WDR64: variants seen among roughly 807,000 people sequenced by gnomAD.
WDR64 encodes WD repeat-containing protein 64.
A neutral mutation model predicts 139.3 loss-of-function variants in WDR64; 112 were observed. The observed-to-expected ratio is 0.80, with a 90% CI of 0.69 to 0.94. The LOEUF is 0.94. Among genes scored for constraint, WDR64 ranks in the 40% least tolerant of loss-of-function variants. The pLI, the probability that WDR64 is intolerant of heterozygous loss-of-function variation, is 0.00. For synonymous variants in WDR64, 444 were observed against 437.7 expected (o/e 1.01, Z -0.18); for missense variants, 1,206 against 1,293.1 (o/e 0.93, Z 1.03).
intron 9 of WDR64, among the ~76,000 whole-genome samples, chr1:241,720,774 C>A (rs978547641): frequency 6.6e-6 from 1 of 152,132 alleles, no homozygotes; most frequent in African/African-American, 2.4e-5. Flanking sequence ...ATGATAGTTT[C>A]TTTTGCTGTG....
chr1:241,728,384 G>A lies in WDR64; in HGVS notation c.1194+4948G>A, dbSNP rs546448935. Among the ~76,000 whole-genome samples, 9 of 149,500 alleles carry A rather than the reference G, an allele frequency of 6.0e-5. No individual in the cohort carries two copies. In the South Asian group the frequency reaches 1.9e-3, roughly 32 times the overall value. On this transcript the variant is annotated intron_variant, in intron 10 of 27. Coordinates refer to ENST00000437684, the MANE Select transcript of WDR64 (RefSeq NM_001367482.1). ...CAAACTAGGCACATACATGTTTTTG[G>A]TTTTTTTATTGAAGCTATATTATTA... is the stretch of plus-strand genomic sequence containing the variant.
At chr1:241,750,798 T>A (rs567352915) in intron 14 of WDR64, among the ~76,000 whole-genome samples, 28 of 152,346 alleles carry the variant, frequency 1.8e-4, no homozygotes, top group African/African-American at 6.3e-4. Context: ...TATATTTGTA[T>A]TCTTGGCCAT....
chr1:241,801,028 G>T, intron 27 of WDR64, 104 bp from the exon 28 acceptor site: 3 of 824,628 alleles, frequency 3.6e-6, no homozygotes, highest in South Asian at 1.8e-5. Context: ...TTTTTTCTAG[G>T]AGGATTAAAA....
chr1:241,705,347 C>A (rs954631115), intron 8 of WDR64, among the ~76,000 whole-genome samples: 2 of 151,788 alleles, frequency 1.3e-5, no homozygotes, highest in East Asian at 3.9e-4. Context: ...CGAGACCATC[C>A]CGGCTAACAC....
chr1:241,762,125 G>A lies in WDR64; in HGVS notation c.1948-4093G>A, dbSNP rs543040245. 1.2e-4 allele frequency among the ~76,000 whole-genome samples: 19 copies of A among 152,258 alleles called. No homozygotes were observed. The South Asian group carries it at 3.9e-3, about 32-fold the overall frequency. The stretch of plus-strand genomic sequence containing the variant: ...ATCATAGGAACCACTATCTATGGCA[G>A]CTATAGCCTTACAAAATGTATTTCT... On this transcript the variant is annotated intron_variant, in intron 15 of 27. Transcript: ENST00000437684.
chr1:241,740,657 T>C (rs907986154), intron 11 of WDR64, among the ~76,000 whole-genome samples: 4 of 151,962 alleles, frequency 2.6e-5, no homozygotes, highest in South Asian at 2.1e-4. Context: ...GATTCTTTTT[T>C]TTTTTTTAAT....
chr1:241,799,785 CAATT>C (rs1402468068), intron 27 of WDR64, among the ~76,000 whole-genome samples: 2 of 152,186 alleles, frequency 1.3e-5, no homozygotes, highest in African/African-American at 4.8e-5. Context: ...TGAGAATTAA[CAATT>C]AATGAACACT....
At chr1:241,707,165 T>C (rs1197279695) in intron 8 of WDR64, among the ~76,000 whole-genome samples, 1 of 152,136 alleles carries the variant, frequency 6.6e-6, no homozygotes, top group Non-Finnish European at 1.5e-5. Flanking sequence ...TGATGGACAC[T>C]CTCACCTCTG....
chr1:241,788,071 G>T, intron 24 of WDR64, 37 bp downstream of exon 24: 1 of 1,515,508 alleles, frequency 6.6e-7, no homozygotes. Context: ...AAGCATACAA[G>T]AATCAAACTG....
intron 4 of WDR64, among the ~76,000 whole-genome samples, chr1:241,674,970 T>TG (rs1666430334): frequency 3.2e-5 from 1 of 30,960 alleles, no homozygotes; most frequent in African/African-American, 8.3e-5. Context: ...TCCCTTCTTT[T>TG]TCTTTCCTTC....
chr1:241,776,305 C>T (rs1432696160), intron 21 of WDR64, among the ~76,000 whole-genome samples: 1 of 152,104 alleles, frequency 6.6e-6, no homozygotes, highest in Non-Finnish European at 1.5e-5. Context: ...TCTTGAACTC[C>T]TGACCTCGTG....
intron 10 of WDR64, among the ~76,000 whole-genome samples, chr1:241,729,210 A>G (rs1367975784): frequency 2.6e-5 from 4 of 152,088 alleles, no homozygotes; most frequent in Non-Finnish European, 5.9e-5. Flanking sequence ...CCTGTAAATT[A>G]CCTCATTCTT....
At chr1:241,775,623 A>G (rs1658631194) in intron 21 of WDR64, among the ~76,000 whole-genome samples, 1 of 152,150 alleles carries the variant, frequency 6.6e-6, no homozygotes, top group Non-Finnish European at 1.5e-5. Context: ...TTTATTTTTT[A>G]TATTTATTAT....
At chr1:241,668,793 C>T (rs957985154) in intron 2 of WDR64, among the ~76,000 whole-genome samples, 3 of 151,878 alleles carry the variant, frequency 2.0e-5, no homozygotes, top group African/African-American at 2.4e-5. Flanking sequence ...CCTATGGTTC[C>T]AGCTACTCGG....
At chr1:241,653,736 G>T (rs1665463268) in intron 1 of WDR64, among the ~76,000 whole-genome samples, 1 of 151,716 alleles carries the variant, frequency 6.6e-6, no homozygotes. Flanking sequence ...GTAGAGACGG[G>T]GTTTCACCAT....
intron 23 of WDR64, among the ~76,000 whole-genome samples, chr1:241,787,556 T>G (rs1343091210): frequency 6.6e-6 from 1 of 150,632 alleles, no homozygotes; most frequent in Non-Finnish European, 1.5e-5. Flanking sequence ...TCTCAGCTAC[T>G]CGGGAAGCTG....
intron 13 of WDR64, among the ~76,000 whole-genome samples, chr1:241,745,971 C>A (rs902764368): frequency 6.6e-6 from 1 of 152,176 alleles, no homozygotes; most frequent in East Asian, 1.9e-4. Flanking sequence ...CTCTGCATAA[C>A]CCAGCAATGT....
intron 16 of WDR64, among the ~76,000 whole-genome samples, chr1:241,766,947 A>G (rs1444551280): frequency 6.6e-6 from 1 of 152,212 alleles, no homozygotes; most frequent in East Asian, 1.9e-4. Flanking sequence ...ACCTCAACAA[A>G]TAATTAAAAT....
chr1:241,671,202 A>G (rs775483480), intron 3 of WDR64, 26 bp downstream of exon 3: 3 of 1,408,554 alleles, frequency 2.1e-6, no homozygotes, highest in Non-Finnish European at 2.9e-6. Context: ...TCTCTTCCAA[A>G]TTAGTATGAG....
Sources: allele counts gnomAD v4.1 joint callset (sites outside exome capture counted in the v4.1 genomes callset), GRCh38; gene constraint gnomAD v4.1.1; transcripts MANE v1.5; gene names NCBI Gene and HGNC (gene_info 2026-07-23, HGNC 2026-07-21).